The following MYOCD variants were observed in gnomAD, a reference collection of about 807,000 sequenced individuals.
The protein encoded by MYOCD is myocardin.
In MYOCD, 32 loss-of-function variants were observed where a neutral mutation model predicts 96.1. That is an observed-to-expected ratio of 0.33 (90% confidence interval 0.25 to 0.45). MYOCD has a LOEUF of 0.45. Among genes scored for constraint, MYOCD ranks in the 20% least tolerant of loss-of-function variants. The probability of loss-of-function intolerance (pLI) is 1.00; values close to 1 mark genes in which losing one functional copy is unlikely to be tolerated. For missense variants in MYOCD, 1,133 were observed against 1,200.6 expected, an observed-to-expected ratio of 0.94 and a Z score of 0.83; for synonymous variants, 469 against 469.0, an observed-to-expected ratio of 1.00 and a Z score of 0.00.
intron 12 of MYOCD, among the ~76,000 whole-genome samples, chr17:12,758,710 A>G (rs1015744260): frequency 2.6e-5 from 4 of 152,202 alleles, no homozygotes; most frequent in African/African-American, 9.6e-5. Flanking sequence ...TGTATCCTCT[A>G]CTTTCATTTG....
Position 12,752,687 on chromosome 17 carries a change from G to A in MYOCD, c.1399G>A (p.Val467Ile). ...PISPASSDLS[V>I]AGSLPDTFND... ...CTCCCCAGCCTCCTCTGACCTGTCA[G>A]TCGCTGGGTCCCTGCCGGACACCTT... Residue 467 changes from valine (V) to isoleucine (I), a missense_variant, in exon 10 of 14, where the codon GTC (valine) becomes ATC (isoleucine). Coordinates refer to ENST00000425538, the MANE Select transcript of MYOCD (RefSeq NM_001146312.3). The A allele has an allele frequency of 6.2e-7, 1 of 1,614,174 alleles. No individual in the cohort carries two copies. The highest frequency in any genetic ancestry group is 8.5e-7 in the Non-Finnish European group (1 of 1,180,030).
chr17:12,762,843 G>A, intron 13 of MYOCD: 1 of 525,898 alleles, frequency 1.9e-6, no homozygotes, highest in Non-Finnish European at 3.3e-6. Context: ...GGAACCTTCA[G>A]AGAAGAGAGT....
intron 1 of MYOCD, among the ~76,000 whole-genome samples, chr17:12,680,815 G>T (rs1216623276): frequency 6.6e-6 from 1 of 152,212 alleles, no homozygotes; most frequent in Admixed American, 6.5e-5. Flanking sequence ...CCCCGCGGCT[G>T]AACAGCCGTG....
chr17:12,686,327 A>G (rs1848129229), intron 1 of MYOCD, among the ~76,000 whole-genome samples: 1 of 152,204 alleles, frequency 6.6e-6, no homozygotes, highest in African/African-American at 2.4e-5. Flanking sequence ...CCAAAGTCAT[A>G]TGGCTATTTA....
At chr17:12,683,354 A>G (rs1567570450) in intron 1 of MYOCD, among the ~76,000 whole-genome samples, 1 of 152,208 alleles carries the variant, frequency 6.6e-6, no homozygotes, top group Non-Finnish European at 1.5e-5. Context: ...AGAGAATAAA[A>G]GGGAGGCATC....
chr17:12,693,021 A>G (rs551707828), intron 1 of MYOCD, among the ~76,000 whole-genome samples: 10 of 152,312 alleles, frequency 6.6e-5, no homozygotes, highest in Admixed American at 3.3e-4. Flanking sequence ...ACCTAGTTCC[A>G]GCCCCGAGCT....
At chr17:12,756,669 CCAGGT>C in intron 11 of MYOCD, 112 bp downstream of exon 11, 59 of 708,306 alleles carry the variant, frequency 8.3e-5, no homozygotes, top group South Asian at 3.0e-4. Context: ...GCACTCCAGC[CCAGGT>C]GACAGAGCGA....
chr17:12,693,045 C>G (rs1032868068), intron 1 of MYOCD, among the ~76,000 whole-genome samples: 15 of 152,120 alleles, frequency 9.9e-5, no homozygotes, highest in Non-Finnish European at 1.6e-4. Context: ...AGCGTGGAAT[C>G]TAGTCCTGGT....
chr17:12,715,232 T>G (rs1033521861), intron 2 of MYOCD, among the ~76,000 whole-genome samples: 1 of 152,150 alleles, frequency 6.6e-6, no homozygotes, highest in African/African-American at 2.4e-5. Flanking sequence ...CCACCACCCC[T>G]TCTATTTCCT....
At chr17:12,732,015 C>G (rs903819754) in intron 5 of MYOCD, among the ~76,000 whole-genome samples, 5 of 152,172 alleles carry the variant, frequency 3.3e-5, no homozygotes, top group Admixed American at 6.5e-5. Context: ...ATCTTGTGGC[C>G]TGGACAGCGA....
intron 13 of MYOCD, chr17:12,761,309 G>A (rs1218738647): frequency 2.8e-5 from 3 of 106,630 alleles, no homozygotes; most frequent in South Asian, 3.0e-4. Flanking sequence ...AAGCACTCAG[G>A]GAGGAATCCT....
intron 1 of MYOCD, among the ~76,000 whole-genome samples, chr17:12,702,110 T>C (rs529407379): frequency 1.3e-5 from 2 of 152,196 alleles, no homozygotes; most frequent in South Asian, 4.1e-4. Flanking sequence ...TTTTTTTAAA[T>C]GTAGTTATAT....
At position 12,752,610 on chromosome 17, in the gene MYOCD, C is replaced by T; in HGVS notation, c.1322C>T (p.Ala441Val). Residue 441 changes from alanine (A) to valine (V), a missense_variant, in exon 10 of 14, where the codon GCC becomes GTC. Physicochemically the swap from Ala to Val is moderately conservative, Grantham distance 64. Coordinates refer to ENST00000425538, the MANE Select transcript of MYOCD (RefSeq NM_001146312.3). ...TACCAGTCTTCCTCTTCTACCAGTGCCCTGTCCAACGGCTTCTACCACTTT... is the reference window on the plus strand; with the variant it reads ...TACCAGTCTTCCTCTTCTACCAGTGTCCTGTCCAACGGCTTCTACCACTTT... ...PNYQSSSSTS[A>V]LSNGFYHFGS... 1 of 1,614,134 alleles carries T rather than the reference C, an allele frequency of 6.2e-7. No homozygotes were observed. Among genetic ancestry groups the T allele is most frequent in the Non-Finnish European group, 8.5e-7 (1 of 1,180,016 alleles).
intron 6 of MYOCD, among the ~76,000 whole-genome samples, chr17:12,738,569 CACAT>C (rs1321748088): frequency 6.6e-6 from 1 of 152,060 alleles, no homozygotes; most frequent in African/African-American, 2.4e-5. Context: ...CATGCACACA[CACAT>C]ATATACACAC....
chr17:12,744,465 T>C (rs1210148626), intron 8 of MYOCD, 29 bp downstream of exon 8: 2 of 1,579,184 alleles, frequency 1.3e-6, no homozygotes, highest in Non-Finnish European at 8.6e-7. Context: ...GGAGGGTGGC[T>C]GTGGGCAGAG....
chr17:12,757,641 C>T (rs1031773530), intron 11 of MYOCD, among the ~76,000 whole-genome samples: 43 of 152,222 alleles, frequency 2.8e-4, no homozygotes, highest in African/African-American at 9.4e-4. Context: ...GGATTACAGG[C>T]GCACCACCAT....
At chr17:12,697,723 G>C (rs995183011) in intron 1 of MYOCD, among the ~76,000 whole-genome samples, 5 of 151,956 alleles carry the variant, frequency 3.3e-5, no homozygotes, top group Middle Eastern at 3.4e-3. Context: ...TTGCCATCTT[G>C]AAACAGAAAA....
At chr17:12,724,972 T>A (rs1279286321) in intron 5 of MYOCD, among the ~76,000 whole-genome samples, 1 of 152,120 alleles carries the variant, frequency 6.6e-6, no homozygotes, top group African/African-American at 2.4e-5. Context: ...GGTGAATTCA[T>A]GTGTTTAAAA....
chr17:12,676,693 A>C (rs12150632), intron 1 of MYOCD, among the ~76,000 whole-genome samples: 19,434 of 152,150 alleles, frequency 0.13, 2,420 homozygotes, highest in African/African-American at 0.32. Flanking sequence ...ACAACTCAAA[A>C]TACAACCAAT....
Sources: allele counts gnomAD v4.1 joint callset (sites outside exome capture counted in the v4.1 genomes callset), GRCh38; gene constraint gnomAD v4.1.1; transcripts MANE v1.5; gene names NCBI Gene and HGNC (gene_info 2026-07-23, HGNC 2026-07-21).